Variants in MTRR observed in about 807,000 individuals in gnomAD.
MTRR encodes the protein 5-methyltetrahydrofolate-homocysteine methyltransferase reductase.
In MTRR, 63 loss-of-function variants were observed where a neutral mutation model predicts 79.2. That is an observed-to-expected ratio of 0.80 (90% confidence interval 0.65 to 0.98). The LOEUF (loss-of-function observed/expected upper bound fraction) is 0.98. Ranked by LOEUF, MTRR falls within the 50% of genes least tolerant of loss-of-function variation. The pLI, the probability that MTRR is intolerant of heterozygous loss-of-function variation, is 0.00. For missense variants in MTRR, 895 were observed against 839.6 expected (o/e 1.07, Z -0.82); for synonymous variants, 355 against 313.3 (o/e 1.13, Z -1.41).
chr5:7,870,000 C>T (rs891115700), intron 1 of MTRR: 1 of 985,058 alleles, frequency 1.0e-6, no homozygotes, highest in African/African-American at 1.7e-5. Flanking sequence ...TTAAATCTGT[C>T]TCTGCAAATT....
intron 12 of MTRR, 105 bp from the exon 13 acceptor site, chr5:7,896,759 A>T (rs1214454346): frequency 1.1e-6 from 1 of 906,934 alleles, no homozygotes; most frequent in Admixed American, 1.9e-5. Context: ...GCAGAGATGG[A>T]TTTTACAAAT....
At chr5:7,868,359 C>T (rs1747213998), upstream of MTRR, among the ~76,000 whole-genome samples, 1 of 152,144 alleles carries the variant, frequency 6.6e-6, no homozygotes, top group South Asian at 2.1e-4. Flanking sequence ...TACACAGATT[C>T]AGTACTTTTA....
chr5:7,854,705 A>G (rs886670541), intron 1 of MTRR, among the ~76,000 whole-genome samples: 1 of 152,156 alleles, frequency 6.6e-6, no homozygotes, highest in African/African-American at 2.4e-5. Context: ...CTCCCACAAC[A>G]CATGAGAATT....
Position 7,869,197 on chromosome 5 carries a change from C to T in MTRR, c.-44C>T, listed in dbSNP as rs768034431. 4 of 1,609,490 alleles carry T rather than the reference C, an allele frequency of 2.5e-6. No individual in the cohort carries two copies. The highest frequency in any genetic ancestry group is 1.7e-5 in the Admixed American group (1 of 60,016). On this transcript the variant is annotated 5_prime_UTR_variant, in exon 1 of 15. Transcript: ENST00000440940. ...GGAAGTCGCGTTGTGCAGGTTCGTG[C>T]CCGGCTGGCGCGGCGTGGGTAAGCT...
At chr5:7,862,914 AAG>A in intron 2 of MTRR, 1 of 1,614,082 alleles carries the variant, frequency 6.2e-7, no homozygotes, top group Non-Finnish European at 8.5e-7. Flanking sequence ...CATATCTATA[AAG>A]CTGAGAATCC....
At chr5:7,854,455 C>G (rs182300243) in intron 1 of MTRR, among the ~76,000 whole-genome samples, 2 of 152,268 alleles carry the variant, frequency 1.3e-5, no homozygotes, top group East Asian at 3.9e-4. Context: ...CTGATAAAGA[C>G]ATACCCAAGA....
Position 7,899,038 on chromosome 5 carries a change from A to T in MTRR, c.1953-876A>T, listed in dbSNP as rs191069563. On this transcript the variant is annotated intron_variant, in intron 14 of 14. Transcript: ENST00000440940. ...GGCAAAGGGGGAGCAGGCACCTCAC[A>T]CGGCAAGAGAGGGAGCAAGAGGCAG... Among the ~76,000 whole-genome samples the T allele has an allele frequency of 2.0e-5, 3 of 152,170 alleles. No individual in the cohort carries two copies. The East Asian group carries it at 5.8e-4, about 30-fold the overall frequency.
intron 5 of MTRR, among the ~76,000 whole-genome samples, chr5:7,882,233 G>A (rs1403835766): frequency 6.6e-6 from 1 of 152,194 alleles, no homozygotes; most frequent in East Asian, 1.9e-4. Context: ...GTCCTGAGTT[G>A]GAACGAAGAG....
intron 8 of MTRR, among the ~76,000 whole-genome samples, chr5:7,888,066 A>G (rs891770925): frequency 2.0e-5 from 3 of 151,934 alleles, no homozygotes; most frequent in African/African-American, 7.3e-5. Flanking sequence ...TGGATACACC[A>G]TTATTTGTTG....
Position 7,878,331 on chromosome 5 carries a change from G to A in MTRR, c.780+9G>A. The A allele has an allele frequency of 6.2e-7, 1 of 1,613,958 alleles. No individual in the cohort carries two copies. The highest frequency in any genetic ancestry group is 8.5e-7 in the Non-Finnish European group (1 of 1,179,834). On this transcript the variant is annotated intron_variant, in intron 5 of 14. Transcript: ENST00000440940. ...AGGAGTCTCTTGGCCAGGTAAGGAA[G>A]TTTTTCTTTATGCTATAGATGCTAT... is the stretch of plus-strand genomic sequence containing the variant.
At chr5:7,861,286 A>C (rs766101347) in intron 1 of MTRR, 2 of 1,333,908 alleles carry the variant, frequency 1.5e-6, no homozygotes, top group South Asian at 1.6e-5. Context: ...AAAGGAGAAA[A>C]ATACTTAATT....
At chr5:7,864,772 C>A (rs1746816693), upstream of MTRR, among the ~76,000 whole-genome samples, 1 of 150,908 alleles carries the variant, frequency 6.6e-6, no homozygotes, top group Non-Finnish European at 1.5e-5. Flanking sequence ...TGGCCACCTT[C>A]ATTCATTGCT....
chr5:7,853,862 CAG>C (rs756203722), intron 1 of MTRR, among the ~76,000 whole-genome samples: 1 of 152,076 alleles, frequency 6.6e-6, no homozygotes, highest in Non-Finnish European at 1.5e-5. Flanking sequence ...CAGCAAAAGA[CAG>C]GGGCATGTAC....
chr5:7,899,437 T>G (rs1739108390), intron 14 of MTRR, among the ~76,000 whole-genome samples: 1 of 152,152 alleles, frequency 6.6e-6, no homozygotes, highest in Non-Finnish European at 1.5e-5. Context: ...TAGAAGCACT[T>G]CAAAAGGACC....
At position 7,881,118 on chromosome 5, in the gene MTRR, ATTTCT is replaced by A. The variant is rs556573423; in HGVS notation, c.781-2032_781-2028del. On this transcript the variant is annotated intron_variant, in intron 5 of 14. Transcript: ENST00000440940. ...ACAGCTCCTTTTACATGCCTCCTTG[ATTTCT>A]TTTCATTGTAAGGATTGATCCAGTG... Among the ~76,000 whole-genome samples the A allele has an allele frequency of 2.5e-3, 377 of 151,690 alleles. 3 individuals carry two copies. Among genetic ancestry groups the A allele is most frequent in the African/African-American group, 8.7e-3 (361 of 41,310 alleles).
intron 5 of MTRR, among the ~76,000 whole-genome samples, chr5:7,881,446 C>CT (rs1381987463): frequency 6.6e-6 from 1 of 151,984 alleles, no homozygotes; most frequent in Non-Finnish European, 1.5e-5. Flanking sequence ...GAAGGGAGTT[C>CT]TTACTCTTCA....
intron 1 of MTRR, chr5:7,870,485 C>T: frequency 5.0e-6 from 2 of 400,618 alleles, no homozygotes; most frequent in South Asian, 4.3e-5. Flanking sequence ...GGGAGCTTGT[C>T]TACAGGGTTG....
upstream of MTRR, chr5:7,867,820 G>A: frequency 6.2e-7 from 1 of 1,614,182 alleles, no homozygotes; most frequent in Non-Finnish European, 8.5e-7. Context: ...GTTCAAGCCT[G>A]TCGCAGTCAG....
intron 4 of MTRR, among the ~76,000 whole-genome samples, chr5:7,877,215 T>C (rs1734707051): frequency 6.6e-6 from 1 of 152,208 alleles, no homozygotes; most frequent in Non-Finnish European, 1.5e-5. Context: ...CCACTGACTC[T>C]ACTTAAACTT....
Sources: allele counts gnomAD v4.1 joint callset (sites outside exome capture counted in the v4.1 genomes callset), GRCh38; gene constraint gnomAD v4.1.1; transcripts MANE v1.5; gene names NCBI Gene and HGNC (gene_info 2026-07-23, HGNC 2026-07-21).